The following TLR6 variants were observed in gnomAD, a reference collection of about 807,000 sequenced individuals.
The protein encoded by TLR6 is toll like receptor 6.
In TLR6, 9 loss-of-function variants were observed where a neutral mutation model predicts 16.1. That is an observed-to-expected ratio of 0.56 (90% CI 0.34 to 0.98). The LOEUF (loss-of-function observed/expected upper bound fraction) is 0.98. TLR6 is among the 50% of genes least tolerant of loss of function. The pLI, the probability that TLR6 is intolerant of heterozygous loss-of-function variation, is 0.02. For missense variants in TLR6, 786 were observed against 921.0 expected (o/e 0.85, Z 1.90); for synonymous variants, 340 against 338.6 (o/e 1.00, Z -0.04).
exon 2 of TLR6, chr4:38,829,207 C>G: frequency 6.2e-7 from 1 of 1,614,138 alleles, no homozygotes; most frequent in Non-Finnish European, 8.5e-7. Context: ...AATCAAGTAG[C>G]TGGATTCTGT....
intron 1 of TLR6, among the ~76,000 whole-genome samples, chr4:38,851,059 T>C (rs1355242321): frequency 3.4e-4 from 51 of 149,864 alleles, no homozygotes; most frequent in South Asian, 6.4e-4. Flanking sequence ...ATCCCTGGGA[T>C]GCAAGGCTGT....
At chr4:38,844,922 G>C (rs1418113874) in intron 1 of TLR6, among the ~76,000 whole-genome samples, 5 of 152,060 alleles carry the variant, frequency 3.3e-5, no homozygotes, top group Non-Finnish European at 7.4e-5. Flanking sequence ...AGCCAGGCGT[G>C]GTGGTACACA....
At chr4:38,826,966 A>G in exon 2 of TLR6, 1 of 856,170 alleles carries the variant, frequency 1.2e-6, no homozygotes, top group Non-Finnish European at 1.7e-6. Flanking sequence ...GTTTTTGTTA[A>G]GTCTTTCCTG....
At chr4:38,832,658 C>T (rs955087624) in intron 1 of TLR6, among the ~76,000 whole-genome samples, 1 of 152,172 alleles carries the variant, frequency 6.6e-6, no homozygotes, top group African/African-American at 2.4e-5. Context: ...CCCAACAACC[C>T]TGAATCTCCA....
chr4:38,846,031 G>A (rs1712512597), intron 1 of TLR6, among the ~76,000 whole-genome samples: 1 of 149,906 alleles, frequency 6.7e-6, no homozygotes, highest in Non-Finnish European at 1.5e-5. Flanking sequence ...GGTGGAGGTT[G>A]CAGTGAGCTG....
At chr4:38,849,131 C>A (rs1579258654) in intron 1 of TLR6, among the ~76,000 whole-genome samples, 1 of 152,162 alleles carries the variant, frequency 6.6e-6, no homozygotes, top group Non-Finnish European at 1.5e-5. Context: ...ATTCAACGTT[C>A]TTAAAGAAAA....
chr4:38,836,681 G>A (rs1434393373), intron 1 of TLR6, among the ~76,000 whole-genome samples: 1 of 152,134 alleles, frequency 6.6e-6, no homozygotes, highest in Non-Finnish European at 1.5e-5. Context: ...ACTCACACCT[G>A]TAATCCCAGA....
exon 2 of TLR6, chr4:38,828,409 G>T (rs768301760): frequency 1.2e-6 from 2 of 1,613,614 alleles, no homozygotes; most frequent in African/African-American, 2.7e-5. Context: ...TCAAAAACTT[G>T]AATGTGCTTG....
chr4:38,849,826 A>C (rs1366822177), intron 1 of TLR6, among the ~76,000 whole-genome samples: 1 of 152,206 alleles, frequency 6.6e-6, no homozygotes, highest in African/African-American at 2.4e-5. Context: ...TAGACAGATC[A>C]ACGAGACAGA....
At chr4:38,846,098 A>G (rs1161873230) in intron 1 of TLR6, among the ~76,000 whole-genome samples, 2 of 151,418 alleles carry the variant, frequency 1.3e-5, no homozygotes, top group Non-Finnish European at 2.9e-5. Flanking sequence ...CAAAAAAAAA[A>G]AAAAAAAAAG....
At chr4:38,831,274 ACAATTAGACCTC>A (rs1711562359) in intron 1 of TLR6, among the ~76,000 whole-genome samples, 1 of 147,266 alleles carries the variant, frequency 6.8e-6, no homozygotes, top group Admixed American at 6.8e-5. Context: ...TGGTGCTGGA[ACAATTAGACCTC>A]CACATGCAAA....
At chr4:38,839,275 A>C (rs73236635) in intron 1 of TLR6, among the ~76,000 whole-genome samples, 27,432 of 151,320 alleles carry the variant, frequency 0.18, 3,701 homozygotes, top group Non-Finnish European at 0.28. Flanking sequence ...ACAAAAAAAA[A>C]CTGCTCTAAA....
chr4:38,858,790 A>G (rs1353455737), upstream of TLR6, among the ~76,000 whole-genome samples: 6 of 46,712 alleles, frequency 1.3e-4, no homozygotes, highest in Non-Finnish European at 1.8e-4. Flanking sequence ...AGAGAGAGAG[A>G]GGGAGAGAGA....
chr4:38,849,724 C>T (rs1195957908), intron 1 of TLR6, among the ~76,000 whole-genome samples: 1 of 152,172 alleles, frequency 6.6e-6, no homozygotes, highest in Non-Finnish European at 1.5e-5. Flanking sequence ...ACAAGAAGAG[C>T]TAACTATCCT....
intron 1 of TLR6, among the ~76,000 whole-genome samples, chr4:38,831,087 G>A (rs1323234462): frequency 4.0e-5 from 6 of 151,256 alleles, no homozygotes; most frequent in Non-Finnish European, 7.4e-5. Flanking sequence ...ACCTAACATT[G>A]AGACTTGCTA....
chr4:38,827,397 C>A lies in TLR6; in HGVS notation c.2077G>T (p.Glu693Ter), dbSNP rs1727594707. Residue 693 changes from glutamate (E) to a stop codon, truncating the protein, a stop_gained, in exon 2 of 2, where the codon GAG (glutamate) becomes TAG (stop). Transcript: ENST00000436693. LOFTEE classifies it high-confidence loss of function. ...ACAAAGATGGACTTGTAACTCTTCT[C>A]AATGCAGTTGATGATATTTTCCACA... The A allele has an allele frequency of 8.1e-6, 13 of 1,614,224 alleles. No homozygotes were observed. The highest frequency in any genetic ancestry group is 1.1e-5 in the South Asian group (1 of 91,088).
the TLR6 span, among the ~76,000 whole-genome samples, chr4:38,865,904 C>T: frequency 3.3e-5 from 5 of 152,038 alleles, no homozygotes; most frequent in African/African-American, 9.7e-5. Context: ...TTTGGGAGGC[C>T]GAGGTGGGCA....
intron 1 of TLR6, chr4:38,843,730 T>G (rs905065660): frequency 1.5e-4 from 23 of 152,108 alleles, no homozygotes; most frequent in African/African-American, 5.3e-4. Context: ...ATATAACTTC[T>G]CCCAACTGCC....
exon 2 of TLR6, chr4:38,828,777 C>T: frequency 6.2e-7 from 1 of 1,613,618 alleles, no homozygotes; most frequent in Non-Finnish European, 8.5e-7. Context: ...TGACAGTTGT[C>T]ATCATTCAAT....
Sources: gnomAD v4.1 joint callset for allele counts (sites outside exome capture counted in the v4.1 genomes callset) on GRCh38, gnomAD v4.1.1 for gene constraint, MANE v1.5 for transcripts, NCBI Gene and HGNC (gene_info 2026-07-23, HGNC 2026-07-21) for gene names.